Variants in PCDHGB6 observed in about 807,000 individuals in gnomAD.
PCDHGB6 encodes the protein protocadherin gamma-B6.
A neutral mutation model predicts 59.1 loss-of-function variants in PCDHGB6; 51 were observed. The ratio of observed to expected loss-of-function variants is 0.86; its 90% CI spans 0.69 to 1.09. PCDHGB6 has a LOEUF of 1.09. Among genes scored for constraint, PCDHGB6 ranks in the 50% least tolerant of loss-of-function variants. The probability of loss-of-function intolerance (pLI) is 0.00; values close to 1 mark genes in which losing one functional copy is unlikely to be tolerated. For missense variants in PCDHGB6, 1,148 were observed against 1,205.1 expected (o/e 0.95, Z 0.70); for synonymous variants, 466 against 495.1 (o/e 0.94, Z 0.78).
At chr5:141,422,587 C>G in intron 1 of PCDHGB6, 2 of 1,614,032 alleles carry the variant, frequency 1.2e-6, no homozygotes, top group Non-Finnish European at 1.7e-6. Flanking sequence ...TCCCGTTTTT[C>G]CTCACTCCTC....
At position 141,486,994 on chromosome 5, in the gene PCDHGB6, C is replaced by G. The variant is rs779792543; in HGVS notation, c.2419-7813C>G. ...ATTCAGGTTACAATGCTTGGGTTTC[C>G]TATCAGCTCCTGGAGGCCCCAGATC... On this transcript the variant is annotated intron_variant, in intron 1 of 3. Coordinates refer to ENST00000520790, the MANE Select transcript of PCDHGB6 (RefSeq NM_018926.3). The surrounding 1 kb of genome is among the most constrained non-coding windows in gnomAD (Gnocchi z 5.0). 3 of 1,614,214 alleles carry G rather than the reference C, an allele frequency of 1.9e-6. No individual in the cohort carries two copies. Among genetic ancestry groups the G allele is most frequent in the Admixed American group, 1.7e-5 (1 of 60,030 alleles).
rs2099697431 is a variant in PCDHGB6 at position 141,490,222 on chromosome 5, C to T, written c.2419-4585C>T. The T allele has an allele frequency of 6.2e-7, 1 of 1,614,094 alleles. No homozygotes were observed. Among genetic ancestry groups the T allele is most frequent in the African/African-American group, 1.3e-5 (1 of 74,934 alleles). On this transcript the variant is annotated intron_variant, in intron 1 of 3. Coordinates refer to ENST00000520790, the MANE Select transcript of PCDHGB6 (RefSeq NM_018926.3). This position sits in a 1 kb window ranked among gnomAD's most constrained non-coding sequence, Gnocchi z 5.4. The stretch of plus-strand genomic sequence containing the variant: ...TGCAAGAGCCCGTGACCAGGGACAG[C>T]CTGCCATGGAGGGCCACTGTGTGAT...
At chr5:141,468,748 C>T (rs2099176836) in intron 1 of PCDHGB6, among the ~76,000 whole-genome samples, 1 of 151,866 alleles carries the variant, frequency 6.6e-6, no homozygotes, top group South Asian at 2.1e-4. Context: ...TGCCTGTAGT[C>T]CCAGCTACTC....
intron 1 of PCDHGB6, chr5:141,427,812 G>T: frequency 6.6e-7 from 1 of 1,524,404 alleles, no homozygotes; most frequent in Non-Finnish European, 9.0e-7. Flanking sequence ...CGCACAGAGC[G>T]GGGTGGTGGT....
rs762200805 is a variant in PCDHGB6 at position 141,423,045 on chromosome 5, C to T, written c.2418+12425C>T. 8 of 1,614,210 alleles carry T rather than the reference C, an allele frequency of 5.0e-6. No homozygotes were observed. The East Asian group carries it at 1.8e-4, about 36-fold the overall frequency. ...ATTCAGGCCAGAACGCCTGGCTGTCCTATCGCCTGCTTAAGGCCAGCGAGC... is the reference window on the plus strand; with the variant it reads ...ATTCAGGCCAGAACGCCTGGCTGTCTTATCGCCTGCTTAAGGCCAGCGAGC... On this transcript the variant is annotated intron_variant, in intron 1 of 3. Transcript: ENST00000520790.
In PCDHGB6 at chr5:141,491,841, A is replaced by T. The variant is rs995010359; in HGVS notation, c.2419-2966A>T. The T allele has an allele frequency of 1.4e-6, 2 of 1,465,172 alleles. No homozygotes were observed. The highest frequency in any genetic ancestry group is 1.4e-5 in the African/African-American group (1 of 69,948). 90.8% of individuals were successfully genotyped at this position (1,465,172 alleles called of 1,614,324 possible). ...TGCGCTCCACCCGATTCTCGGGATC[A>T]TTGGACCGTTTGCGCGAAACCAGAG... is the stretch of plus-strand genomic sequence containing the variant. On this transcript the variant is annotated intron_variant, in intron 1 of 3. Transcript: ENST00000520790. The surrounding 1 kb of genome is among the most constrained non-coding windows in gnomAD (Gnocchi z 6.9).
At chr5:141,445,313 T>C (rs1186654847) in intron 1 of PCDHGB6, among the ~76,000 whole-genome samples, 8 of 152,328 alleles carry the variant, frequency 5.3e-5, no homozygotes, top group Non-Finnish European at 4.4e-5. Flanking sequence ...GTTTGTAGGT[T>C]GAGAGAACCC....
At chr5:141,422,424 T>G (rs1182660567) in intron 1 of PCDHGB6, 3 of 1,607,958 alleles carry the variant, frequency 1.9e-6, no homozygotes, top group Non-Finnish European at 2.5e-6. Flanking sequence ...AAAAGACTTA[T>G]GGAAATTATT....
chr5:141,422,535 A>T lies in PCDHGB6; in HGVS notation c.2418+11915A>T, dbSNP rs760963618. On this transcript the variant is annotated intron_variant, in intron 1 of 3. Transcript: ENST00000520790. ...AGGGAAGCCCGCCTTTGTCTGCAGA[A>T]ACTCATGTCTGGCTGAATGTGGCAG... 20 of 1,613,826 alleles carry T rather than the reference A, an allele frequency of 1.2e-5. 1 individual carries two copies. Among genetic ancestry groups the T allele is most frequent in the Non-Finnish European group, 8.5e-7 (1 of 1,179,882 alleles).
At chr5:141,460,132 T>TAAAA in intron 1 of PCDHGB6, among the ~76,000 whole-genome samples, 1 of 152,036 alleles carries the variant, frequency 6.6e-6, no homozygotes, top group South Asian at 2.1e-4. Context: ...GTAATATATA[T>TAAAA]ATTCTTGATG....
At chr5:141,411,562 C>A (rs569842846) in intron 1 of PCDHGB6, 1 of 152,054 alleles carries the variant, frequency 6.6e-6, no homozygotes, top group Non-Finnish European at 1.5e-5. Context: ...CCAGCCTGGG[C>A]GACAGAGTGC....
At chr5:141,418,407 A>C (rs1165583519) in intron 1 of PCDHGB6, 1 of 1,613,926 alleles carries the variant, frequency 6.2e-7, no homozygotes, top group Non-Finnish European at 8.5e-7. Flanking sequence ...TTGGTGGAGA[A>C]AGACAATCCT....
At chr5:141,434,392 CA>C (rs1377925864) in intron 1 of PCDHGB6, among the ~76,000 whole-genome samples, 2 of 152,210 alleles carry the variant, frequency 1.3e-5, no homozygotes, top group Non-Finnish European at 2.9e-5. Context: ...TGGCCATAAA[CA>C]AAATCTCTGC....
chr5:141,444,035 T>C (rs928920813), intron 1 of PCDHGB6, among the ~76,000 whole-genome samples: 1 of 151,694 alleles, frequency 6.6e-6, no homozygotes, highest in Non-Finnish European at 1.5e-5. Context: ...ATTCAGTAAA[T>C]CAGATAATTT....
At chr5:141,480,167 G>C (rs752444894) in intron 1 of PCDHGB6, among the ~76,000 whole-genome samples, 3 of 151,964 alleles carry the variant, frequency 2.0e-5, no homozygotes, top group Non-Finnish European at 2.9e-5. Flanking sequence ...ATTTTGGGAG[G>C]CTGAGGCAGG....
rs2095239502 is a variant in PCDHGB6, at chr5:141,409,193, TGTAAA to T, written c.996_1000del (p.Lys332AsnfsTer6). ...GGACGGAGGTGGTCTCTCTACCCAGTGTAAAGTAATCATAGAAATCCTTGATGAAA... is the reference window on the plus strand; with the variant it reads ...GGACGGAGGTGGTCTCTCTACCCAGTGTAATCATAGAAATCCTTGATGAAA... On this transcript the variant is annotated frameshift_variant, in exon 1 of 4. Coordinates refer to ENST00000520790, the MANE Select transcript of PCDHGB6 (RefSeq NM_018926.3). LOFTEE classifies it high-confidence loss of function. 2 of 1,613,988 alleles carry T rather than the reference TGTAAA, an allele frequency of 1.2e-6. No individual in the cohort carries two copies. Among genetic ancestry groups the T allele is most frequent in the African/African-American group, 1.3e-5 (1 of 75,030 alleles).
intron 3 of PCDHGB6, among the ~76,000 whole-genome samples, 188 bp from the exon 4 acceptor site, chr5:141,510,759 G>A (rs1026623444): frequency 6.6e-5 from 10 of 152,172 alleles, no homozygotes; most frequent in African/African-American, 2.4e-4. Context: ...TCTCACTCCA[G>A]AGCCTCTTAA....
chr5:141,510,994 G>A lies in PCDHGB6; in HGVS notation c.2614G>A (p.Gly872Arg). ...CCTGGGAGGGGGTGCCGGCACCATG[G>A]GATTGAGCGCCCGCTACGGACCCCA... ...STLGGGAGTM[G>R]LSARYGPQFT... The change falls in exon 4 of 4, where the codon GGA becomes AGA. Residue 872 changes from glycine to arginine, a missense_variant. Physicochemically the swap from Gly to Arg is moderately radical, Grantham distance 125 (BLOSUM62 -2). This residue lies in a region of PCDHGB6 where 283 missense variants were observed against 318.6 expected (regional missense o/e 0.89). Transcript: ENST00000520790. 1 of 1,614,168 alleles carries A rather than the reference G, an allele frequency of 6.2e-7. No homozygotes were observed. Among genetic ancestry groups the A allele is most frequent in the Non-Finnish European group, 8.5e-7 (1 of 1,180,022 alleles).
intron 1 of PCDHGB6, chr5:141,415,641 TA>T (rs113784532): frequency 0.022 from 22,367 of 1,034,442 alleles, 38 homozygotes; most frequent in Admixed American, 0.045. Context: ...TTACTTTTGT[TA>T]AAAAAAAAAA....
Sources: gnomAD v4.1 joint callset for allele counts (sites outside exome capture counted in the v4.1 genomes callset) on GRCh38, gnomAD v4.1.1 for gene constraint, gnomAD v4.1.1 regional missense constraint, Gnocchi (gnomAD v3.1) non-coding constraint, MANE v1.5 for transcripts, NCBI Gene and HGNC (gene_info 2026-07-23, HGNC 2026-07-21) for gene names.